UBOX5: variants seen among roughly 807,000 people sequenced by gnomAD.
UBOX5 encodes U-box domain containing 5.
UBOX5 carries 28 observed loss-of-function variants against 39.0 expected under a neutral mutation model. That is an observed-to-expected ratio of 0.72 (90% CI 0.53 to 0.98). The LOEUF is 0.98. Ranked by LOEUF, UBOX5 falls within the 50% of genes least tolerant of loss-of-function variation. The pLI, the probability that UBOX5 is intolerant of heterozygous loss-of-function variation, is 0.00. For missense variants in UBOX5, 585 were observed against 674.4 expected, an observed-to-expected ratio of 0.87 and a Z score of 1.47; for synonymous variants, 283 against 275.5, an observed-to-expected ratio of 1.03 and a Z score of -0.27.
intron 1 of UBOX5, among the ~76,000 whole-genome samples, chr20:3,153,084 CAAA>C (rs2066648387): frequency 6.6e-6 from 1 of 152,076 alleles, no homozygotes; most frequent in South Asian, 2.1e-4. Flanking sequence ...TTGAGTGGAA[CAAA>C]TAGCACATAA....
rs1000210640 is a variant in UBOX5 at position 3,130,469 on chromosome 20, C to T, written c.-41-7063G>A. ...CAAGCAATCCTCCTGCCTGAGTGCC[C>T]CAAGTCCTGGAACTACAGGTATGGG... On this transcript the variant is annotated intron_variant, in intron 1 of 4. Transcript: ENST00000217173. 3.3e-5 allele frequency among the ~76,000 whole-genome samples: 5 copies of T among 151,868 alleles called. No individual in the cohort carries two copies. The South Asian group carries it at 6.2e-4, about 19-fold the overall frequency.
At chr20:3,140,192 T>C (rs2066506457) in intron 1 of UBOX5, among the ~76,000 whole-genome samples, 1 of 151,530 alleles carries the variant, frequency 6.6e-6, no homozygotes, top group Non-Finnish European at 1.5e-5. Context: ...CAGCTGATTT[T>C]TGTATTTTCA....
At chr20:3,119,837 G>A (rs112518275) in intron 3 of UBOX5, among the ~76,000 whole-genome samples, 10,949 of 151,806 alleles carry the variant, frequency 0.072, 505 homozygotes, top group Middle Eastern at 0.12. Flanking sequence ...CTGGGTAACA[G>A]AGTGAGGCTC....
At chr20:3,146,855 TCCCAGTAGGATAA>T (rs781054935) in intron 1 of UBOX5, 1 of 1,614,160 alleles carries the variant, frequency 6.2e-7, no homozygotes, top group Admixed American at 1.7e-5. Context: ...TGGGAGCCAT[TCCCAGTAGGATAA>T]CTCTACCACA....
intron 3 of UBOX5, among the ~76,000 whole-genome samples, chr20:3,117,861 G>A (rs968855025): frequency 5.3e-5 from 8 of 151,502 alleles, no homozygotes; most frequent in African/African-American, 7.3e-5. Context: ...GCATGGTGGC[G>A]AGCGCCTGTA....
chr20:3,138,566 G>A (rs2148610957), intron 1 of UBOX5, among the ~76,000 whole-genome samples: 1 of 152,148 alleles, frequency 6.6e-6, no homozygotes, highest in South Asian at 2.1e-4. Context: ...GCAAGGGAAG[G>A]GCCAAGAAGG....
intron 1 of UBOX5, among the ~76,000 whole-genome samples, chr20:3,141,255 C>T (rs1008278102): frequency 6.6e-6 from 1 of 151,992 alleles, no homozygotes; most frequent in African/African-American, 2.4e-5. Flanking sequence ...AAAGAATGTT[C>T]ACTTAATCTG....
chr20:3,122,409 T>C lies in UBOX5; in HGVS notation c.230A>G (p.Asn77Ser), dbSNP rs942844246. ...NIDLTAGGGQNVTGLEMYTSA... is the reference protein window; with the variant it reads ...NIDLTAGGGQSVTGLEMYTSA... The stretch of plus-strand genomic sequence containing the variant: ...TGTGTACATTTCCAGGCCAGTGACG[T>C]TCTGACCTCCCCCAGCTGTGAGGTC... The change falls in exon 3 of 5, where the codon AAC becomes AGC. Residue 77 changes from asparagine to serine, a missense_variant. Physicochemically the swap from Asn to Ser is conservative, Grantham distance 46. Coordinates refer to ENST00000217173, the MANE Select transcript of UBOX5 (RefSeq NM_014948.4). The C allele has an allele frequency of 8.7e-6, 14 of 1,614,042 alleles. No homozygotes were observed. Among genetic ancestry groups the C allele is most frequent in the Middle Eastern group, 3.3e-4 (2 of 6,084 alleles).
At chr20:3,118,674 AG>A (rs1272225358) in intron 3 of UBOX5, among the ~76,000 whole-genome samples, 2 of 152,196 alleles carry the variant, frequency 1.3e-5, no homozygotes, top group Middle Eastern at 3.4e-3. Context: ...CAGGAGGCTG[AG>A]GCAGGAGAAT....
At chr20:3,148,501 G>A in intron 1 of UBOX5, 1 of 1,614,140 alleles carries the variant, frequency 6.2e-7, no homozygotes, top group Non-Finnish European at 8.5e-7. Flanking sequence ...TCAGCTGGCA[G>A]AGCAGAGCAA....
chr20:3,141,510 G>A (rs2066517293), intron 1 of UBOX5, among the ~76,000 whole-genome samples: 1 of 151,826 alleles, frequency 6.6e-6, no homozygotes. Context: ...TTAGCTGGGG[G>A]TGGTGCATGC....
At position 3,121,985 on chromosome 20, in the gene UBOX5, A is replaced by C; in HGVS notation, c.654T>G (p.Pro218=). The change falls in exon 3 of 5, where the codon CCT becomes CCG. Residue 218 remains proline, a synonymous_variant. Coordinates refer to ENST00000217173, the MANE Select transcript of UBOX5 (RefSeq NM_014948.4). The part of the protein sequence containing the change: ...SILLVTSENL[P]QDVALQAPAL... The stretch of plus-strand genomic sequence containing the variant: ...CTGGAGCCTGCAGAGCCACATCCTG[A>C]GGCAGGTTCTCTGAGGTGACCAGCA... 1 of 1,614,112 alleles carries C rather than the reference A, an allele frequency of 6.2e-7. No individual in the cohort carries two copies. The highest frequency in any genetic ancestry group is 1.1e-5 in the South Asian group (1 of 91,086).
intron 1 of UBOX5, chr20:3,147,304 G>A (rs2066575214): frequency 6.2e-7 from 1 of 1,614,106 alleles, no homozygotes; most frequent in African/African-American, 1.3e-5. Flanking sequence ...GGACCTCTAA[G>A]TCAGAAGATC....
intron 1 of UBOX5, among the ~76,000 whole-genome samples, chr20:3,135,715 AAC>A (rs1192741142): frequency 6.6e-6 from 1 of 152,014 alleles, no homozygotes; most frequent in African/African-American, 2.4e-5. Flanking sequence ...TATATATGTG[AAC>A]ACACAAACAC....
intron 1 of UBOX5, chr20:3,148,936 T>C: frequency 4.3e-6 from 7 of 1,614,218 alleles, no homozygotes; most frequent in Non-Finnish European, 5.9e-6. Flanking sequence ...GGCTAATGTG[T>C]TCTGGAGGGT....
At chr20:3,156,787 C>T (rs1053304127) in intron 1 of UBOX5, 1 of 152,322 alleles carries the variant, frequency 6.6e-6, no homozygotes, top group Non-Finnish European at 1.5e-5. Flanking sequence ...AGGAGCGATG[C>T]TAACTGTAGA....
rs1346820977 is a variant in UBOX5, at chr20:3,121,449, T to A, written c.1190A>T (p.Glu397Val). 1.2e-6 allele frequency: 2 copies of A among 1,614,110 alleles called. No homozygotes were observed. Among genetic ancestry groups the A allele is most frequent in the Admixed American group, 1.7e-5 (1 of 60,018 alleles). The stretch of plus-strand genomic sequence containing the variant: ...GGCTTTCATTTTCTTAGCAGTGTGC[T>A]CTGAGGTAGTGGGTAAGACCAAAGG... ...TSPLVLPTTSEHTAKKMKATN... is the reference protein window; with the variant it reads ...TSPLVLPTTSVHTAKKMKATN... Residue 397 changes from glutamate to valine, a missense_variant, in exon 3 of 5, where the codon GAG (glutamate) becomes GTG (valine). By Grantham distance (121) the Glu-to-Val change is moderately radical. Transcript: ENST00000217173.
Position 3,110,286 on chromosome 20 carries a change from T to C in UBOX5, c.1446A>G (p.Glu482=). ...SEQPGSILGP[E]CASCKRVFSP... is the part of the protein sequence containing the mutation. ...AAAATACTCTTTTGCAGGAGGCACA[T>C]TCGGGGCCCAGGATGCTCCCAGGCT... Residue 482 remains glutamate, a synonymous_variant, in exon 5 of 5, where the codon GAA becomes GAG. Coordinates refer to ENST00000217173, the MANE Select transcript of UBOX5 (RefSeq NM_014948.4). The C allele has an allele frequency of 6.2e-7, 1 of 1,614,116 alleles. No homozygotes were observed. Among genetic ancestry groups the C allele is most frequent in the Non-Finnish European group, 8.5e-7 (1 of 1,180,020 alleles).
chr20:3,123,902 T>C (rs2066357280), intron 1 of UBOX5, among the ~76,000 whole-genome samples: 1 of 152,156 alleles, frequency 6.6e-6, no homozygotes. Flanking sequence ...GAAAATTTAT[T>C]AGAGGCCAGG....
Sources: allele counts gnomAD v4.1 joint callset (sites outside exome capture counted in the v4.1 genomes callset), GRCh38; gene constraint gnomAD v4.1.1; transcripts MANE v1.5; gene names NCBI Gene and HGNC (gene_info 2026-07-23, HGNC 2026-07-21).